ADAMTSL1: variants seen among roughly 807,000 people sequenced by gnomAD.
The protein encoded by ADAMTSL1 is ADAMTS-like protein 1.
In ADAMTSL1, 126 loss-of-function variants were observed where a neutral mutation model predicts 201.8. The observed-to-expected ratio is 0.62, with a 90% CI of 0.54 to 0.72. ADAMTSL1 has a LOEUF of 0.72. Among genes scored for constraint, ADAMTSL1 ranks in the 30% least tolerant of loss-of-function variants. The probability of loss-of-function intolerance (pLI) is 0.00; values close to 1 mark genes in which losing one functional copy is unlikely to be tolerated. For missense variants in ADAMTSL1, 2,679 were observed against 2,277.8 expected (o/e 1.18, Z -3.59); for synonymous variants, 1,121 against 903.4 (o/e 1.24, Z -4.32).
At chr9:18,350,890 A>C (rs562099246) in intron 2 of ADAMTSL1, among the ~76,000 whole-genome samples, 102 of 152,264 alleles carry the variant, frequency 6.7e-4, no homozygotes, top group Non-Finnish European at 4.4e-4. Flanking sequence ...TTCTATTAGG[A>C]GAAAAGGTGG....
chr9:18,801,339 C>A (rs1477163949), intron 20 of ADAMTSL1, among the ~76,000 whole-genome samples: 1 of 152,170 alleles, frequency 6.6e-6, no homozygotes, highest in Admixed American at 6.5e-5. Flanking sequence ...ATTTAGCAAA[C>A]TTATATAGTT....
At chr9:18,828,927 A>G (rs939608198) in intron 22 of ADAMTSL1, among the ~76,000 whole-genome samples, 4 of 151,740 alleles carry the variant, frequency 2.6e-5, no homozygotes, top group African/African-American at 9.7e-5. Flanking sequence ...TGAAATGACC[A>G]TCCATTTCAA....
intron 1 of ADAMTSL1, among the ~76,000 whole-genome samples, chr9:18,489,733 C>T (rs796640760): frequency 1.3e-5 from 2 of 152,138 alleles, no homozygotes; most frequent in African/African-American, 4.8e-5. Context: ...GGTCATATTT[C>T]CCACTGCTCT....
In ADAMTSL1 at chr9:18,656,534, C is replaced by G. The variant is rs369654087; in HGVS notation, c.835-1105C>G. ...GTCCCAGCTACTCGGGAGGCTGAGG[C>G]AGAAGAATGGTGTGAACCCGGGAGG... On this transcript the variant is annotated intron_variant, in intron 7 of 28. Coordinates refer to ENST00000380548, the MANE Select transcript of ADAMTSL1 (RefSeq NM_001040272.6). Among the ~76,000 whole-genome samples, 29 of 146,086 alleles carry G rather than the reference C, an allele frequency of 2.0e-4. No homozygotes were observed. The South Asian group carries it at 6.1e-3, about 31-fold the overall frequency.
chr9:18,178,869 C>G (rs1349291824), intron 2 of ADAMTSL1, among the ~76,000 whole-genome samples: 4 of 151,962 alleles, frequency 2.6e-5, no homozygotes, highest in Non-Finnish European at 5.9e-5. Flanking sequence ...CACCAAAAAC[C>G]CATTTGTACA....
chr9:18,841,214 A>C (rs2131318948), intron 23 of ADAMTSL1, among the ~76,000 whole-genome samples: 1 of 152,292 alleles, frequency 6.6e-6, no homozygotes, highest in East Asian at 1.9e-4. Flanking sequence ...ACATCCCATT[A>C]ATACCTAATT....
At chr9:18,718,523 T>A (rs559407093) in intron 14 of ADAMTSL1, 1 of 534,050 alleles carries the variant, frequency 1.9e-6, no homozygotes, top group Non-Finnish European at 3.8e-6. Context: ...CTTATACTCA[T>A]GCATGATGCA....
intron 1 of ADAMTSL1, among the ~76,000 whole-genome samples, chr9:17,965,917 A>G (rs982855016): frequency 1.7e-4 from 26 of 152,286 alleles, no homozygotes; most frequent in African/African-American, 5.5e-4. Context: ...CACATCTACT[A>G]GCCAGGAACT....
intron 2 of ADAMTSL1, among the ~76,000 whole-genome samples, chr9:18,219,839 A>T (rs1830191508): frequency 1.3e-5 from 2 of 152,174 alleles, no homozygotes; most frequent in Non-Finnish European, 2.9e-5. Context: ...TACAACTGAT[A>T]TCAAGTGTAC....
chr9:18,730,819 G>GTCT (rs973106791), intron 15 of ADAMTSL1, among the ~76,000 whole-genome samples: 1 of 152,198 alleles, frequency 6.6e-6, no homozygotes, highest in African/African-American at 2.4e-5. Context: ...TGAAAGTGGT[G>GTCT]TCTTCTCTGT....
At chr9:18,078,442 C>A (rs934848667) in intron 1 of ADAMTSL1, among the ~76,000 whole-genome samples, 10 of 152,142 alleles carry the variant, frequency 6.6e-5, no homozygotes, top group Admixed American at 2.0e-4. Context: ...TCTTCCCCTA[C>A]CCCACAGCTC....
intron 1 of ADAMTSL1, among the ~76,000 whole-genome samples, chr9:17,918,687 C>G (rs1037732438): frequency 1.3e-5 from 2 of 151,696 alleles, no homozygotes; most frequent in Non-Finnish European, 3.0e-5. Flanking sequence ...TCAATCAGGT[C>G]AAATTGGTTG....
intron 2 of ADAMTSL1, among the ~76,000 whole-genome samples, chr9:18,428,671 T>C (rs1819344441): frequency 1.3e-5 from 2 of 152,134 alleles, no homozygotes; most frequent in Non-Finnish European, 2.9e-5. Flanking sequence ...AGCATGTAAA[T>C]AGAAGAAGGC....
intron 14 of ADAMTSL1, 137 bp from the exon 15 acceptor site, chr9:18,721,399 T>C: frequency 7.9e-7 from 1 of 1,258,288 alleles, no homozygotes; most frequent in Non-Finnish European, 1.1e-6. Context: ...TCCTGGGCTT[T>C]AAACTGCCAT....
chr9:18,340,620 C>G (rs750551466), intron 2 of ADAMTSL1, among the ~76,000 whole-genome samples: 2 of 152,062 alleles, frequency 1.3e-5, no homozygotes, highest in African/African-American at 4.8e-5. Flanking sequence ...GTGGGAGGGA[C>G]CAGGTGGGAG....
At chr9:18,248,702 C>T (rs1286864152) in intron 2 of ADAMTSL1, among the ~76,000 whole-genome samples, 2 of 152,204 alleles carry the variant, frequency 1.3e-5, no homozygotes, top group East Asian at 3.8e-4. Flanking sequence ...AACGCATCGT[C>T]CATTGCGGGG....
At chr9:18,281,533 A>T (rs35124487) in intron 2 of ADAMTSL1, among the ~76,000 whole-genome samples, 7,067 of 152,294 alleles carry the variant, frequency 0.046, 252 homozygotes, top group Non-Finnish European at 0.075. Flanking sequence ...ACCCAGTCAC[A>T]AGGGCCCTTC....
intron 4 of ADAMTSL1, among the ~76,000 whole-genome samples, chr9:18,586,930 T>A: frequency 6.6e-6 from 1 of 151,954 alleles, no homozygotes; most frequent in African/African-American, 2.4e-5. Flanking sequence ...CCTTATATCA[T>A]AGACAAAAAT....
chr9:18,313,540 T>A (rs1834235323), intron 2 of ADAMTSL1, among the ~76,000 whole-genome samples: 2 of 152,166 alleles, frequency 1.3e-5, no homozygotes, highest in South Asian at 2.1e-4. Flanking sequence ...CTGGCATCTG[T>A]CTCTTTTTAA....
Sources: gnomAD v4.1 joint callset for allele counts (sites outside exome capture counted in the v4.1 genomes callset) on GRCh38, gnomAD v4.1.1 for gene constraint, MANE v1.5 for transcripts, NCBI Gene and HGNC (gene_info 2026-07-23, HGNC 2026-07-21) for gene names.